RAB11FIP1: variants seen among roughly 807,000 people sequenced by gnomAD.
The protein encoded by RAB11FIP1 is rab11 family-interacting protein 1.
A neutral mutation model predicts 83.1 loss-of-function variants in RAB11FIP1; 49 were observed. The ratio of observed to expected loss-of-function variants is 0.59; its 90% confidence interval spans 0.47 to 0.75. RAB11FIP1 has a LOEUF of 0.75. Ranked by LOEUF, RAB11FIP1 falls within the 30% of genes least tolerant of loss-of-function variation. The pLI is 0.00. For synonymous variants in RAB11FIP1, 670 were observed against 656.0 expected, an observed-to-expected ratio of 1.02 and a Z score of -0.33; for missense variants, 1,536 against 1,598.7, an observed-to-expected ratio of 0.96 and a Z score of 0.67.
chr8:37,887,329 G>C (rs943167418), intron 1 of RAB11FIP1, among the ~76,000 whole-genome samples: 1 of 151,968 alleles, frequency 6.6e-6, no homozygotes. Context: ...TCAGGAGTTC[G>C]AGACCAGCCT....
At chr8:37,898,410 T>A (rs1807137525) in intron 1 of RAB11FIP1, among the ~76,000 whole-genome samples, 1 of 150,438 alleles carries the variant, frequency 6.6e-6, no homozygotes, top group Non-Finnish European at 1.5e-5. Context: ...ATCCCAGCAC[T>A]TTGGGAGGCC....
At chr8:37,879,281 A>G (rs1159930086) in intron 1 of RAB11FIP1, among the ~76,000 whole-genome samples, 1 of 151,438 alleles carries the variant, frequency 6.6e-6, no homozygotes, top group East Asian at 2.0e-4. Flanking sequence ...GCACTCCAGC[A>G]CTCCAGCTTA....
intron 1 of RAB11FIP1, among the ~76,000 whole-genome samples, chr8:37,889,243 T>C (rs1422605122): frequency 2.6e-5 from 4 of 152,142 alleles, no homozygotes; most frequent in South Asian, 2.1e-4. Context: ...TGAATCAAGA[T>C]AGGTTTTCTA....
chr8:37,895,050 G>A (rs1253173084), intron 1 of RAB11FIP1, among the ~76,000 whole-genome samples: 10 of 143,998 alleles, frequency 6.9e-5, no homozygotes, highest in African/African-American at 2.5e-5. Flanking sequence ...GAGCCACTAC[G>A]CCCAGCCATA....
rs143105416 is a variant in RAB11FIP1, at chr8:37,870,345, G to A, written c.3633+75C>T. 44 of 809,954 alleles carry A rather than the reference G, an allele frequency of 5.4e-5. No individual in the cohort carries two copies. In the African/African-American group the frequency reaches 6.4e-4, roughly 12 times the overall value. 50.2% of individuals were successfully genotyped at this position (809,954 alleles called of 1,614,324 possible). A position where few individuals can be genotyped will look rare whatever the true frequency, so the allele number is the denominator to read the frequency against. ...TGGCACCACCGGCTGCCCAGGGAGA[G>A]GTATACGATGGTGACTATGGAAACG... is the stretch of plus-strand genomic sequence containing the variant. On this transcript the variant is annotated intron_variant, in intron 5 of 5. Coordinates refer to ENST00000330843, the MANE Select transcript of RAB11FIP1 (RefSeq NM_001002814.3).
intron 1 of RAB11FIP1, among the ~76,000 whole-genome samples, chr8:37,885,738 T>G (rs1806820997): frequency 6.6e-6 from 1 of 152,212 alleles, no homozygotes; most frequent in Non-Finnish European, 1.5e-5. Flanking sequence ...AGTAGCCCAC[T>G]GGGAAGCCCG....
At chr8:37,864,809 C>A (rs527551853) in intron 5 of RAB11FIP1, among the ~76,000 whole-genome samples, 2 of 152,334 alleles carry the variant, frequency 1.3e-5, no homozygotes, top group South Asian at 4.1e-4. Context: ...ATTCACGATG[C>A]ACCTCCTCTG....
intron 5 of RAB11FIP1, among the ~76,000 whole-genome samples, chr8:37,864,787 T>G (rs551284024): frequency 6.6e-6 from 1 of 152,222 alleles, no homozygotes; most frequent in South Asian, 2.1e-4. Context: ...TTTTAAAACT[T>G]TGAAGGCATG....
chr8:37,890,953 C>T (rs939723659), intron 1 of RAB11FIP1, among the ~76,000 whole-genome samples: 1 of 152,202 alleles, frequency 6.6e-6, no homozygotes, highest in South Asian at 2.1e-4. Flanking sequence ...ACTGCCTGCC[C>T]TGTGCCTACA....
Position 37,859,840 on chromosome 8 carries a change from C to T in RAB11FIP1, c.*3055G>A, listed in dbSNP as rs1806202061. On this transcript the variant is annotated 3_prime_UTR_variant, in exon 6 of 6. Transcript: ENST00000330843. ...GTCCCAGCTCTTCTGAGACATAGGC[C>T]ATTTGTAGGATTCTCCAGTGCTCCA... The T allele has an allele frequency of 6.6e-6, 1 of 152,142 alleles. No individual in the cohort carries two copies. The highest frequency in any genetic ancestry group is 2.4e-5 in the African/African-American group (1 of 41,408). The allele number at this position is 152,142 out of a possible 1,614,324, so 9.4% of individuals were successfully genotyped here. A position where few individuals can be genotyped will look rare whatever the true frequency, so the allele number is the denominator to read the frequency against.
At chr8:37,879,605 A>G (rs1806694854) in intron 1 of RAB11FIP1, among the ~76,000 whole-genome samples, 1 of 152,130 alleles carries the variant, frequency 6.6e-6, no homozygotes, top group Admixed American at 6.5e-5. Context: ...AAATGGGGCC[A>G]GGCGCAGTGG....
At chr8:37,898,355 AC>A (rs1807135272) in intron 1 of RAB11FIP1, among the ~76,000 whole-genome samples, 1 of 152,102 alleles carries the variant, frequency 6.6e-6, no homozygotes, top group Non-Finnish European at 1.5e-5. Flanking sequence ...TACTAAAAAT[AC>A]AAAAATTAGC....
At position 37,874,938 on chromosome 8, in the gene RAB11FIP1, G is replaced by A. The variant is rs745863792; in HGVS notation, c.1199C>T (p.Pro400Leu). The A allele has an allele frequency of 1.2e-6, 2 of 1,614,180 alleles. No homozygotes were observed. The highest frequency in any genetic ancestry group is 1.7e-6 in the Non-Finnish European group (2 of 1,180,036). Residue 400 changes from proline (P) to leucine (L), a missense_variant, in exon 3 of 6, where the codon CCT becomes CTT. Coordinates refer to ENST00000330843, the MANE Select transcript of RAB11FIP1 (RefSeq NM_001002814.3). ...LKSMTLPSYR[P>L]APLVSGDLRE... is the part of the protein sequence containing the mutation. ...GAGGTCCCCACTGACCAGTGGGGCA[G>A]GTCGGTAGGACGGCAGGGTCATAGA...
At position 37,899,037 on chromosome 8, in the gene RAB11FIP1, C is replaced by G; in HGVS notation, c.371+34G>C. On this transcript the variant is annotated intron_variant, in intron 1 of 5. Coordinates refer to ENST00000330843, the MANE Select transcript of RAB11FIP1 (RefSeq NM_001002814.3). The surrounding 1 kb of genome is among the most constrained non-coding windows in gnomAD (Gnocchi z 4.5). ...GCCCTGCCGGAGGGGTCCGCGCCCCCAGGCCGGGCCCTCCCCTCCCCGCCC... is the reference window on the plus strand; with the variant it reads ...GCCCTGCCGGAGGGGTCCGCGCCCCGAGGCCGGGCCCTCCCCTCCCCGCCC... The G allele has an allele frequency of 7.0e-7, 1 of 1,436,808 alleles. No individual in the cohort carries two copies. Among genetic ancestry groups the G allele is most frequent in the South Asian group, 1.4e-5 (1 of 69,268 alleles). 89.0% of individuals were successfully genotyped at this position (1,436,808 alleles called of 1,614,324 possible).
Position 37,861,359 on chromosome 8 carries a change from A to G in RAB11FIP1, c.*1536T>C. ...TTGAAGGCTGAGGCACCTGTTTTCTACTGACTTTTAACTTTTATTAACTAC... is the reference window on the plus strand; with the variant it reads ...TTGAAGGCTGAGGCACCTGTTTTCTGCTGACTTTTAACTTTTATTAACTAC... On this transcript the variant is annotated 3_prime_UTR_variant, in exon 6 of 6. Transcript: ENST00000330843. 2 of 262,712 alleles carry G rather than the reference A, an allele frequency of 7.6e-6. No individual in the cohort carries two copies. Among genetic ancestry groups the G allele is most frequent in the Non-Finnish European group, 1.5e-5 (2 of 132,012 alleles). The allele number at this position is 262,712 out of a possible 1,614,324, so 16.3% of individuals were successfully genotyped here. A position where few individuals can be genotyped will look rare whatever the true frequency, so the allele number is the denominator to read the frequency against.
intron 1 of RAB11FIP1, among the ~76,000 whole-genome samples, chr8:37,890,231 A>G (rs2130188871): frequency 6.6e-6 from 1 of 152,354 alleles, no homozygotes; most frequent in Middle Eastern, 3.4e-3. Flanking sequence ...TGTATTTCAC[A>G]CAGGATGCCC....
chr8:37,872,173 C>T lies in RAB11FIP1; in HGVS notation c.2629G>A (p.Ala877Thr), dbSNP rs1219299267. The change falls in exon 4 of 6, where the codon GCG (alanine) becomes ACG (threonine). Residue 877 changes from alanine to threonine, a missense_variant. Transcript: ENST00000330843. ...AGGTGATCCGCTGGGGAGGCTGGCG[C>T]ACCACACGTCGCTGGCCCAGGTGTG... ...VTTPGPATCG[A>T]PASPADHLLL... The T allele has an allele frequency of 6.2e-7, 1 of 1,614,036 alleles. No individual in the cohort carries two copies. Among genetic ancestry groups the T allele is most frequent in the Admixed American group, 1.7e-5 (1 of 60,018 alleles).
chr8:37,895,603 A>C lies in RAB11FIP1; in HGVS notation c.371+3468T>G, dbSNP rs370952594. ...GGTCCTTAACAGATGTGTAAGTGCAAAGTCAATTCATTTCAATTTTTCCTA... is the reference window on the plus strand; with the variant it reads ...GGTCCTTAACAGATGTGTAAGTGCACAGTCAATTCATTTCAATTTTTCCTA... On this transcript the variant is annotated intron_variant, in intron 1 of 5. Coordinates refer to ENST00000330843, the MANE Select transcript of RAB11FIP1 (RefSeq NM_001002814.3). Among the ~76,000 whole-genome samples, 16 of 151,850 alleles carry C rather than the reference A, an allele frequency of 1.1e-4. No individual in the cohort carries two copies. In the East Asian group the frequency reaches 1.9e-3, roughly 18 times the overall value.
intron 5 of RAB11FIP1, among the ~76,000 whole-genome samples, chr8:37,864,844 T>C (rs566949898): frequency 6.6e-6 from 1 of 152,280 alleles, no homozygotes; most frequent in Admixed American, 6.5e-5. Flanking sequence ...TAGATGTGAC[T>C]TCCAAAACAA....
Sources: gnomAD v4.1 joint callset for allele counts (sites outside exome capture counted in the v4.1 genomes callset) on GRCh38, gnomAD v4.1.1 for gene constraint, Gnocchi (gnomAD v3.1) non-coding constraint, MANE v1.5 for transcripts, NCBI Gene and HGNC (gene_info 2026-07-23, HGNC 2026-07-21) for gene names.